PTER: variants seen among roughly 807,000 people sequenced by gnomAD.
PTER encodes the protein N-acetyltaurine hydrolase.
In PTER, 38 loss-of-function variants were observed where a neutral mutation model predicts 29.6. The ratio of observed to expected loss-of-function variants is 1.28; its 90% CI spans 0.99 to 1.68. PTER has a LOEUF of 1.68. Among genes scored for constraint, PTER ranks in the 40% most tolerant of loss-of-function variants. The pLI, the probability that PTER is intolerant of heterozygous loss-of-function variation, is 0.00. For missense variants in PTER, 482 were observed against 427.8 expected (o/e 1.13, Z -1.12); for synonymous variants, 172 against 154.5 (o/e 1.11, Z -0.84).
chr10:16,507,217 T>TATATATATATATATATATATATAG (rs1836608475), intron 4 of PTER, among the ~76,000 whole-genome samples: 2 of 150,238 alleles, frequency 1.3e-5, no homozygotes, highest in African/African-American at 4.9e-5. Flanking sequence ...TATATATATA[T>TATATATATATATATATATATATAG]ATATGTTCAA....
intron 1 of PTER, among the ~76,000 whole-genome samples, chr10:16,453,030 G>A (rs1042141282): frequency 7.9e-5 from 12 of 152,158 alleles, no homozygotes; most frequent in Admixed American, 2.6e-4. Flanking sequence ...GATTACAGGC[G>A]TGAGCCACTG....
chr10:16,483,907 A>T (rs1487243766), intron 1 of PTER, among the ~76,000 whole-genome samples: 1 of 152,192 alleles, frequency 6.6e-6, no homozygotes, highest in Non-Finnish European at 1.5e-5. Context: ...ATTTAGCTAA[A>T]AAGTGACAAA....
At chr10:16,465,463 G>A (rs535965179) in intron 1 of PTER, among the ~76,000 whole-genome samples, 2 of 152,108 alleles carry the variant, frequency 1.3e-5, no homozygotes, top group African/African-American at 2.4e-5. Context: ...ACTTAAGACC[G>A]AAGTTGCCCC....
At chr10:16,486,240 C>T (rs1029717867) in intron 2 of PTER, 112 bp from the exon 3 acceptor site, 3 of 1,226,834 alleles carry the variant, frequency 2.4e-6, no homozygotes, top group African/African-American at 3.1e-5. Flanking sequence ...ATACTGAATA[C>T]ATTTTTAAAA....
At chr10:16,504,978 G>A in intron 3 of PTER, 42 bp from the exon 4 acceptor site, 1 of 1,606,214 alleles carries the variant, frequency 6.2e-7, no homozygotes, top group Non-Finnish European at 8.5e-7. Flanking sequence ...TGTGGAAAAT[G>A]GGCTCTTCAT....
At chr10:16,468,381 T>G (rs953872991) in intron 1 of PTER, among the ~76,000 whole-genome samples, 1 of 152,212 alleles carries the variant, frequency 6.6e-6, no homozygotes, top group East Asian at 1.9e-4. Context: ...GCTCTTTTTT[T>G]TTTTTAGTGA....
At chr10:16,499,243 T>C (rs1238861482) in intron 3 of PTER, among the ~76,000 whole-genome samples, 1 of 152,132 alleles carries the variant, frequency 6.6e-6, no homozygotes, top group African/African-American at 2.4e-5. Flanking sequence ...GTGTTGATTT[T>C]CTTGTTTCCC....
intron 3 of PTER, among the ~76,000 whole-genome samples, chr10:16,501,607 T>G (rs968155940): frequency 2.6e-5 from 4 of 152,184 alleles, no homozygotes. Flanking sequence ...TGATGGTAAA[T>G]TCTCCATTTT....
chr10:16,484,963 T>C (rs768568354), intron 2 of PTER, 147 bp downstream of exon 2: 6 of 798,998 alleles, frequency 7.5e-6, no homozygotes, highest in African/African-American at 5.2e-5. Context: ...CCCCAGTTAG[T>C]AACACTGTAT....
At chr10:16,514,296 A>C, downstream of PTER, 1 of 563,760 alleles carries the variant, frequency 1.8e-6, no homozygotes, top group Non-Finnish European at 3.1e-6. Context: ...CACTAACGAT[A>C]AGGAGTATTT....
chr10:16,472,916 T>G (rs1564395476), intron 1 of PTER, among the ~76,000 whole-genome samples: 1 of 152,140 alleles, frequency 6.6e-6, no homozygotes, highest in Non-Finnish European at 1.5e-5. Context: ...GACTTCATGT[T>G]GTCTGGACAT....
chr10:16,469,406 T>G (rs1003250667), intron 1 of PTER, among the ~76,000 whole-genome samples: 2 of 152,154 alleles, frequency 1.3e-5, no homozygotes, highest in Non-Finnish European at 2.9e-5. Flanking sequence ...ATAGGCTTCC[T>G]AAGGTGGATT....
intron 3 of PTER, among the ~76,000 whole-genome samples, chr10:16,490,639 T>C (rs1047825943): frequency 1.1e-4 from 16 of 151,232 alleles, no homozygotes; most frequent in Non-Finnish European, 2.2e-4. Flanking sequence ...TTTTTTTCTC[T>C]CTCTTCAATA....
chr10:16,489,967 A>G (rs761892032), intron 3 of PTER, among the ~76,000 whole-genome samples: 2 of 152,178 alleles, frequency 1.3e-5, no homozygotes, highest in Non-Finnish European at 2.9e-5. Flanking sequence ...CTAGAAGACA[A>G]GACTGAGAAA....
chr10:16,476,902 T>TCTCTG, intron 1 of PTER, among the ~76,000 whole-genome samples: 1 of 116,228 alleles, frequency 8.6e-6, no homozygotes, highest in South Asian at 2.5e-4. Flanking sequence ...CCTAGAATTC[T>TCTCTG]TTTTTTTTTT....
downstream of PTER, among the ~76,000 whole-genome samples, chr10:16,518,258 T>G (rs2133540118): frequency 6.6e-6 from 1 of 152,356 alleles, no homozygotes; most frequent in East Asian, 1.9e-4. Context: ...AATCTAGAGA[T>G]AAAATTCCTT....
rs561389201 is a variant in PTER at position 16,469,728 on chromosome 10, C to G, written c.-48-14609C>G. On this transcript the variant is annotated intron_variant, in intron 1 of 4. Transcript: ENST00000535784. ...TAGGTGGGACCACAGGTGCATGTCA[C>G]CATGGCTGACTAATTTTGGGATTTG... 4.6e-5 allele frequency among the ~76,000 whole-genome samples: 7 copies of G among 152,128 alleles called. No homozygotes were observed. In the South Asian group the frequency reaches 1.5e-3, roughly 32 times the overall value.
At chr10:16,467,534 G>A (rs1455214878) in intron 1 of PTER, among the ~76,000 whole-genome samples, 10 of 152,062 alleles carry the variant, frequency 6.6e-5, no homozygotes, top group African/African-American at 2.2e-4. Flanking sequence ...ATTTGCTGCC[G>A]GGCTCAGTGA....
At chr10:16,469,612 C>T (rs879633629) in intron 1 of PTER, among the ~76,000 whole-genome samples, 3 of 152,120 alleles carry the variant, frequency 2.0e-5, no homozygotes, top group Non-Finnish European at 4.4e-5. Context: ...TGAGTTCATT[C>T]TGTTGTTTGT....
Sources: gnomAD v4.1 joint callset for allele counts (sites outside exome capture counted in the v4.1 genomes callset) on GRCh38, gnomAD v4.1.1 for gene constraint, MANE v1.5 for transcripts, NCBI Gene and HGNC (gene_info 2026-07-23, HGNC 2026-07-21) for gene names.